PLCL1: variants seen among roughly 807,000 people sequenced by gnomAD.
PLCL1 encodes the protein phospholipase C like 1 (inactive).
Under a neutral mutation model 84.4 loss-of-function variants are expected in PLCL1, and 41 were observed. That is an observed-to-expected ratio of 0.49 (90% CI 0.38 to 0.63). The LOEUF is 0.63. Ranked by LOEUF, PLCL1 falls within the 30% of genes least tolerant of loss-of-function variation. The pLI is 0.00. For missense variants in PLCL1, 1,206 were observed against 1,367.8 expected, an observed-to-expected ratio of 0.88 and a Z score of 1.87; for synonymous variants, 490 against 488.3, an observed-to-expected ratio of 1.00 and a Z score of -0.05.
At chr2:197,811,867 G>A (rs1690594927) in intron 1 of PLCL1, among the ~76,000 whole-genome samples, 1 of 152,016 alleles carries the variant, frequency 6.6e-6, no homozygotes, top group East Asian at 1.9e-4. Context: ...TTGTTCCTTG[G>A]GTAAATTGCA....
At chr2:197,839,663 T>C (rs1048631122) in intron 1 of PLCL1, among the ~76,000 whole-genome samples, 1 of 152,192 alleles carries the variant, frequency 6.6e-6, no homozygotes, top group Non-Finnish European at 1.5e-5. Context: ...ACAAGCCACC[T>C]TAATATTCAA....
At chr2:198,075,531 C>A (rs77410633) in intron 1 of PLCL1, among the ~76,000 whole-genome samples, 1 of 152,054 alleles carries the variant, frequency 6.6e-6, no homozygotes, top group African/African-American at 2.4e-5. Context: ...TAACTGCGTA[C>A]GAAGCAGTGG....
chr2:197,918,613 A>G (rs920193968), intron 1 of PLCL1, among the ~76,000 whole-genome samples: 1 of 152,284 alleles, frequency 6.6e-6, no homozygotes, highest in Middle Eastern at 3.4e-3. Context: ...GTCCATTTAA[A>G]AGAAGATTTT....
intron 1 of PLCL1, among the ~76,000 whole-genome samples, chr2:198,060,608 T>C (rs1437868731): frequency 5.9e-5 from 9 of 152,354 alleles, no homozygotes; most frequent in African/African-American, 9.6e-5. Flanking sequence ...CACATGTACA[T>C]GCTGTTGGAA....
intron 1 of PLCL1, among the ~76,000 whole-genome samples, chr2:198,062,263 G>GTTT (rs1306518410): frequency 6.6e-6 from 1 of 152,094 alleles, no homozygotes; most frequent in African/African-American, 2.4e-5. Flanking sequence ...TAAAAGACAA[G>GTTT]TTTTATCTAT....
intron 1 of PLCL1, among the ~76,000 whole-genome samples, chr2:197,909,012 C>A (rs139456466): frequency 2.0e-5 from 3 of 152,304 alleles, no homozygotes; most frequent in East Asian, 3.9e-4. Context: ...GGACCAAACA[C>A]GAGACTCATG....
chr2:198,090,408 C>T (rs1283571251), intron 3 of PLCL1, among the ~76,000 whole-genome samples: 7 of 151,108 alleles, frequency 4.6e-5, no homozygotes. Flanking sequence ...CTATATTCAC[C>T]AAACTCTTTA....
intron 1 of PLCL1, among the ~76,000 whole-genome samples, chr2:197,865,743 T>G (rs947997527): frequency 4.6e-5 from 7 of 152,008 alleles, no homozygotes; most frequent in Admixed American, 4.6e-4. Context: ...CTGGACATAG[T>G]GGCTCACACC....
chr2:197,877,510 A>T (rs544939147), intron 1 of PLCL1, among the ~76,000 whole-genome samples: 141 of 152,226 alleles, frequency 9.3e-4, no homozygotes, highest in Non-Finnish European at 9.6e-4. Flanking sequence ...TCATCTTAAC[A>T]TTTGTAATAA....
chr2:197,973,563 G>A (rs1689910108), intron 1 of PLCL1, among the ~76,000 whole-genome samples: 1 of 152,182 alleles, frequency 6.6e-6, no homozygotes, highest in Non-Finnish European at 1.5e-5. Context: ...TCATAGAGGA[G>A]GTAACATTTC....
intron 1 of PLCL1, among the ~76,000 whole-genome samples, chr2:197,897,134 T>C (rs1055483594): frequency 1.7e-4 from 5 of 29,772 alleles, no homozygotes; most frequent in East Asian, 4.6e-4. Context: ...TTCTTCTTCT[T>C]CTTCTTCTTC....
intron 1 of PLCL1, among the ~76,000 whole-genome samples, chr2:197,988,663 G>A (rs1003756298): frequency 6.6e-6 from 1 of 152,186 alleles, no homozygotes. Flanking sequence ...TTGCAATTGT[G>A]AATTGTGCTG....
chr2:197,905,607 T>C (rs1230449276), intron 1 of PLCL1, among the ~76,000 whole-genome samples: 2 of 152,260 alleles, frequency 1.3e-5, no homozygotes, highest in Non-Finnish European at 2.9e-5. Flanking sequence ...TTTGGGTATA[T>C]ACCCAGTAAT....
At chr2:198,136,427 A>G (rs1020469622) in intron 5 of PLCL1, among the ~76,000 whole-genome samples, 3 of 152,158 alleles carry the variant, frequency 2.0e-5, no homozygotes, top group African/African-American at 7.2e-5. Flanking sequence ...AGGTACAGTA[A>G]GAGTGGAGCT....
chr2:198,085,411 G>A lies in PLCL1; in HGVS notation c.1894G>A (p.Val632Ile). The A allele has an allele frequency of 6.2e-7, 1 of 1,611,940 alleles. No homozygotes were observed. The highest frequency in any genetic ancestry group is 8.5e-7 in the Non-Finnish European group (1 of 1,178,242). ...RIANEYPEDF[V>I]NYNKKFLSRI... ...TGCAAATGAGTACCCAGAGGATTTT[G>A]TTAATTATAATAAGAAGTTCTTATC... Residue 632 changes from valine to isoleucine, a missense_variant, in exon 2 of 6, where the codon GTT becomes ATT. By Grantham distance (29) the Val-to-Ile change is conservative. Coordinates refer to ENST00000428675, the MANE Select transcript of PLCL1 (RefSeq NM_006226.4). This position sits in a 1 kb window ranked among gnomAD's most constrained non-coding sequence, Gnocchi z 5.3.
chr2:197,976,950 A>G (rs1239437028), intron 1 of PLCL1, among the ~76,000 whole-genome samples: 2 of 152,092 alleles, frequency 1.3e-5, no homozygotes, highest in Admixed American at 6.5e-5. Context: ...CATTGCCTTG[A>G]CATGCCACAC....
intron 1 of PLCL1, among the ~76,000 whole-genome samples, chr2:197,849,950 T>C (rs924757842): frequency 6.6e-6 from 1 of 152,050 alleles, no homozygotes; most frequent in East Asian, 1.9e-4. Context: ...AGCATGTATC[T>C]GAAATTTCCT....
chr2:198,103,121 C>T (rs554783648), intron 4 of PLCL1, among the ~76,000 whole-genome samples: 344 of 152,050 alleles, frequency 2.3e-3, no homozygotes, highest in Non-Finnish European at 3.9e-3. Flanking sequence ...TACTATTAAG[C>T]GACAGGGATG....
At chr2:197,900,383 A>T (rs1384009193) in intron 1 of PLCL1, among the ~76,000 whole-genome samples, 1 of 152,238 alleles carries the variant, frequency 6.6e-6, no homozygotes, top group Non-Finnish European at 1.5e-5. Context: ...AATAGTGATT[A>T]AGATGGAATG....
Sources: gnomAD v4.1 joint callset for allele counts (sites outside exome capture counted in the v4.1 genomes callset) on GRCh38, gnomAD v4.1.1 for gene constraint, Gnocchi (gnomAD v3.1) non-coding constraint, MANE v1.5 for transcripts, NCBI Gene and HGNC (gene_info 2026-07-23, HGNC 2026-07-21) for gene names.